NCALD: variants seen among roughly 807,000 people sequenced by gnomAD.
NCALD encodes the protein neurocalcin-delta.
Under a neutral mutation model 18.6 loss-of-function variants are expected in NCALD, and 10 were observed. The ratio of observed to expected loss-of-function variants is 0.54; its 90% CI spans 0.33 to 0.91. NCALD has a LOEUF of 0.91. Ranked by LOEUF, NCALD falls within the 40% of genes least tolerant of loss-of-function variation. NCALD has a pLI of 0.03. For missense variants in NCALD, 184 were observed against 247.6 expected, an observed-to-expected ratio of 0.74 and a Z score of 1.72; for synonymous variants, 88 against 87.4, an observed-to-expected ratio of 1.01 and a Z score of -0.04.
At chr8:101,725,850 T>G (rs571513881) in intron 1 of NCALD, among the ~76,000 whole-genome samples, 12 of 152,014 alleles carry the variant, frequency 7.9e-5, no homozygotes, top group Admixed American at 6.5e-4. Flanking sequence ...AATAAGTAAG[T>G]GAAATGATAG....
chr8:101,776,476 G>T (rs1811796667), intron 1 of NCALD, among the ~76,000 whole-genome samples: 1 of 151,986 alleles, frequency 6.6e-6, no homozygotes, highest in African/African-American at 2.4e-5. Flanking sequence ...TTAATATTAA[G>T]TTTGCAGAAA....
At chr8:101,737,739 C>T (rs543265133) in intron 1 of NCALD, among the ~76,000 whole-genome samples, 25 of 152,304 alleles carry the variant, frequency 1.6e-4, no homozygotes, top group Non-Finnish European at 3.2e-4. Context: ...CACTTCCATT[C>T]GGTGTCTTTC....
At chr8:101,947,241 T>C (rs1223940558) in intron 2 of NCALD, among the ~76,000 whole-genome samples, 1 of 152,220 alleles carries the variant, frequency 6.6e-6, no homozygotes, top group East Asian at 1.9e-4. Flanking sequence ...TGAGGAATTT[T>C]GCTTGTTGAC....
At chr8:101,841,385 G>T (rs538703237) in intron 4 of NCALD, among the ~76,000 whole-genome samples, 13 of 152,212 alleles carry the variant, frequency 8.5e-5, no homozygotes, top group African/African-American at 2.9e-4. Context: ...TCTAACACAG[G>T]GTTCCTCAAT....
intron 4 of NCALD, among the ~76,000 whole-genome samples, chr8:101,878,162 C>G (rs1461823499): frequency 6.6e-6 from 1 of 152,180 alleles, no homozygotes. Flanking sequence ...TATAATGAAG[C>G]ATTCAGTGAA....
intron 1 of NCALD, among the ~76,000 whole-genome samples, chr8:102,034,010 C>T (rs1435020559): frequency 1.0e-5 from 1 of 98,432 alleles, no homozygotes; most frequent in African/African-American, 4.6e-5. Context: ...TCTCCTCCCT[C>T]TAAATACACA....
At chr8:101,701,965 C>T (rs1456052036) in intron 2 of NCALD, among the ~76,000 whole-genome samples, 1 of 152,112 alleles carries the variant, frequency 6.6e-6, no homozygotes, top group East Asian at 1.9e-4. Context: ...TAAGTACTTT[C>T]TCATTTAGAG....
intron 4 of NCALD, chr8:101,872,417 C>T (rs993260410): frequency 6.4e-6 from 8 of 1,257,438 alleles, no homozygotes; most frequent in Admixed American, 1.7e-5. Flanking sequence ...TATGTTGTCA[C>T]CACTGACTGC....
At chr8:101,734,773 A>T (rs1817000282) in intron 1 of NCALD, among the ~76,000 whole-genome samples, 1 of 152,206 alleles carries the variant, frequency 6.6e-6, no homozygotes, top group South Asian at 2.1e-4. Flanking sequence ...TTACCAGGCT[A>T]ATAAATAAGG....
chr8:102,013,600 TGCCC>T (rs1450625078), intron 2 of NCALD, among the ~76,000 whole-genome samples: 1 of 152,194 alleles, frequency 6.6e-6, no homozygotes, highest in Non-Finnish European at 1.5e-5. Context: ...CATGACCTCG[TGCCC>T]TTCTCTGGCT....
At chr8:101,816,608 A>C (rs1176071427) in intron 4 of NCALD, among the ~76,000 whole-genome samples, 1 of 152,064 alleles carries the variant, frequency 6.6e-6, no homozygotes, top group Non-Finnish European at 1.5e-5. Flanking sequence ...AACTTGAATT[A>C]AATTTGTATG....
intron 1 of NCALD, among the ~76,000 whole-genome samples, chr8:102,079,667 C>T (rs1824461438): frequency 6.6e-6 from 1 of 152,172 alleles, no homozygotes; most frequent in African/African-American, 2.4e-5. Flanking sequence ...AACAAGGAGC[C>T]CTATGTATAG....
chr8:101,774,005 T>G (rs992136241), intron 1 of NCALD, among the ~76,000 whole-genome samples: 1 of 152,200 alleles, frequency 6.6e-6, no homozygotes. Context: ...GTACCGCTTA[T>G]GCAAAGTTAA....
rs551541026 is a variant in NCALD at position 102,006,638 on chromosome 8, T to A, written c.-157+13599A>T. Among the ~76,000 whole-genome samples the A allele has an allele frequency of 2.3e-3, 350 of 152,292 alleles. 2 individuals are homozygous for A. Among genetic ancestry groups the A allele is most frequent in the African/African-American group, 8.0e-3 (331 of 41,574 alleles). ...AAGTCCAGGGTCTGACCCCCTCCAC[T>A]CCTCTGTACTTCAGAGTCTGGTGGT... On this transcript the variant is annotated intron_variant, in intron 2 of 6. Transcript: ENST00000311028.
At chr8:101,895,729 G>A (rs1024094817) in intron 3 of NCALD, among the ~76,000 whole-genome samples, 1 of 148,546 alleles carries the variant, frequency 6.7e-6, no homozygotes, top group Non-Finnish European at 1.5e-5. Context: ...AACAGACAAA[G>A]AGAGAGCCAA....
At chr8:101,841,334 C>T (rs371694143) in intron 4 of NCALD, among the ~76,000 whole-genome samples, 1 of 152,168 alleles carries the variant, frequency 6.6e-6, no homozygotes, top group Admixed American at 6.5e-5. Flanking sequence ...ATGACAAACA[C>T]CCCTTGCTGT....
intron 1 of NCALD, among the ~76,000 whole-genome samples, chr8:101,732,076 A>G (rs775881417): frequency 6.5e-4 from 99 of 152,326 alleles, no homozygotes; most frequent in Non-Finnish European, 7.2e-4. Flanking sequence ...TCCAGGGAAG[A>G]GGAGGGTGCT....
chr8:102,111,371 C>T (rs1044493843), intron 1 of NCALD, among the ~76,000 whole-genome samples: 3 of 151,880 alleles, frequency 2.0e-5, no homozygotes, highest in African/African-American at 7.3e-5. Flanking sequence ...CCAGCCTCCA[C>T]TTCCAACAAC....
chr8:101,929,956 G>A (rs961894320), intron 2 of NCALD, among the ~76,000 whole-genome samples: 2 of 152,048 alleles, frequency 1.3e-5, no homozygotes, highest in African/African-American at 2.4e-5. Context: ...TCAGGAGGCT[G>A]AGGCAGAAGA....
Sources: allele counts gnomAD v4.1 joint callset (sites outside exome capture counted in the v4.1 genomes callset), GRCh38; gene constraint gnomAD v4.1.1; transcripts MANE v1.5; gene names NCBI Gene and HGNC (gene_info 2026-07-23, HGNC 2026-07-21).